DOP1A: variants seen among roughly 807,000 people sequenced by gnomAD.
DOP1A encodes protein DOP1A.
Under a neutral mutation model 267.6 loss-of-function variants are expected in DOP1A, and 90 were observed. The ratio of observed to expected loss-of-function variants is 0.34; its 90% CI spans 0.28 to 0.40. The LOEUF is 0.40. DOP1A is among the 10% of genes least tolerant of loss of function. The pLI, the probability that DOP1A is intolerant of heterozygous loss-of-function variation, is 1.00. For missense variants in DOP1A, 2,437 were observed against 2,900.4 expected (o/e 0.84, Z 3.67); for synonymous variants, 932 against 999.1 (o/e 0.93, Z 1.27).
At chr6:83,092,147 G>T (rs1770540785) in intron 1 of DOP1A, among the ~76,000 whole-genome samples, 1 of 152,052 alleles carries the variant, frequency 6.6e-6, no homozygotes, top group African/African-American at 2.4e-5. Context: ...TGCTTTGTGT[G>T]TATGCTGTGT....
intron 4 of DOP1A, among the ~76,000 whole-genome samples, chr6:83,101,176 C>T (rs1356384632): frequency 2.0e-5 from 3 of 152,126 alleles, no homozygotes; most frequent in South Asian, 2.1e-4. Flanking sequence ...CCACCACGCC[C>T]GACTAATTTT....
In DOP1A at chr6:83,120,789, T is replaced by A. The variant is rs1292612604; in HGVS notation, c.1097T>A (p.Leu366Gln). 1 of 1,563,400 alleles carries A rather than the reference T, an allele frequency of 6.4e-7. No homozygotes were observed. The highest frequency in any genetic ancestry group is 1.7e-5 in the Admixed American group (1 of 59,690). Residue 366 changes from leucine (L) to glutamine (Q), a missense_variant and splice_region_variant, in exon 10 of 39, where the codon CTA becomes CAA. By Grantham distance (113) the Leu-to-Gln change is moderately radical. This residue lies in a region of DOP1A where 498 missense variants were observed against 513.5 expected (regional missense o/e 0.97). Transcript: ENST00000349129. Reference sequence around the variant, plus strand: ...ATCAGTTTACTGGACAAACCTGAGCTAGGTAATGTATACTGTCCTAGGGCA... The same window carrying A: ...ATCAGTTTACTGGACAAACCTGAGCAAGGTAATGTATACTGTCCTAGGGCA... ...ILISLLDKPELGPVILEDVLI... is the reference protein window; with the variant it reads ...ILISLLDKPEQGPVILEDVLI...
intron 15 of DOP1A, among the ~76,000 whole-genome samples, chr6:83,126,541 G>A (rs1356888847): frequency 6.6e-6 from 1 of 152,070 alleles, no homozygotes; most frequent in Non-Finnish European, 1.5e-5. Context: ...TATTATACAA[G>A]TAAGTGCACA....
intron 6 of DOP1A, among the ~76,000 whole-genome samples, chr6:83,112,906 A>G (rs762813684): frequency 3.9e-5 from 6 of 152,226 alleles, no homozygotes; most frequent in Non-Finnish European, 7.3e-5. Context: ...AGTGCACATG[A>G]TTAGAAGCTT....
chr6:83,154,222 A>G lies in DOP1A; in HGVS notation c.6432A>G (p.Thr2144=). The stretch of plus-strand genomic sequence containing the variant: ...ACAATCTGATGACACATGATAAAAC[A>G]ACATTTAGAGATTTGATGAGTGAGT... The part of the protein sequence containing the change: ...IMDNLMTHDK[T]TFRDLMTRVA... The change falls in exon 33 of 39, where the codon ACA becomes ACG. Residue 2144 remains threonine (T), a synonymous_variant. Coordinates refer to ENST00000349129, the MANE Select transcript of DOP1A (RefSeq NM_015018.4). The G allele has an allele frequency of 6.2e-7, 1 of 1,613,936 alleles. No homozygotes were observed. Among genetic ancestry groups the G allele is most frequent in the Non-Finnish European group, 8.5e-7 (1 of 1,179,850 alleles).
chr6:83,154,521 A>G (rs1782346280), intron 33 of DOP1A, among the ~76,000 whole-genome samples: 1 of 152,188 alleles, frequency 6.6e-6, no homozygotes, highest in Non-Finnish European at 1.5e-5. Context: ...ATTTGAATCT[A>G]AATTATTTCC....
chr6:83,108,867 A>G, intron 4 of DOP1A, 43 bp from the exon 5 acceptor site: 1 of 1,538,710 alleles, frequency 6.5e-7, no homozygotes. Flanking sequence ...AATATTGTAT[A>G]GTTATTTTGC....
rs1042968770 is a variant in DOP1A, at chr6:83,135,961, G to A, written c.3130+83G>A. The A allele has an allele frequency of 8.1e-6, 12 of 1,474,076 alleles. No individual in the cohort carries two copies. In the African/African-American group the frequency reaches 1.6e-4, roughly 19 times the overall value. The allele number at this position is 1,474,076 out of a possible 1,614,324, so 91.3% of individuals were successfully genotyped here. On this transcript the variant is annotated intron_variant, in intron 20 of 38. Transcript: ENST00000349129. ...ATGAATACAACAGTAATTGTTGAAA[G>A]AACTGCATGTGAGATTTTCTCCATG...
intron 1 of DOP1A, among the ~76,000 whole-genome samples, chr6:83,083,976 A>G (rs1192892772): frequency 6.6e-6 from 1 of 152,224 alleles, no homozygotes; most frequent in African/African-American, 2.4e-5. Context: ...TTAATAACGT[A>G]TATAATTTTG....
chr6:83,118,069 A>G (rs1186941461), intron 7 of DOP1A, among the ~76,000 whole-genome samples: 2 of 152,206 alleles, frequency 1.3e-5, no homozygotes, highest in African/African-American at 4.8e-5. Context: ...GCACTTAGCC[A>G]AAACCTCAAG....
At position 83,108,988 on chromosome 6, in the gene DOP1A, T is replaced by A. The variant is rs967895901; in HGVS notation, c.399T>A (p.Tyr133Ter). 1.2e-6 allele frequency: 2 copies of A among 1,613,892 alleles called. No homozygotes were observed. The highest frequency in any genetic ancestry group is 1.7e-6 in the Non-Finnish European group (2 of 1,179,892). The change falls in exon 5 of 39, where the codon TAT becomes TAA. Residue 133 changes from tyrosine (Y) to a stop codon, truncating the protein, a stop_gained. Coordinates refer to ENST00000349129, the MANE Select transcript of DOP1A (RefSeq NM_015018.4). LOFTEE classifies it high-confidence loss of function. The part of the protein sequence containing the change: ...PTLLSLYEIY[Y>*]LPLGKTLKPG... ...TGCTCAGTTTGTATGAGATATATTA[T>A]CTGCCTTTGGGTAAAACACTGAAAC...
At position 83,127,731 on chromosome 6, in the gene DOP1A, G is replaced by A. The variant is rs931455183; in HGVS notation, c.1720-1156G>A. On this transcript the variant is annotated intron_variant, in intron 15 of 38. Coordinates refer to ENST00000349129, the MANE Select transcript of DOP1A (RefSeq NM_015018.4). Reference sequence around the variant, plus strand: ...AATGGATGGATTAGCAATATATTTAGGAGGAAAAATAGACTTAGTAATAGA... The same window carrying A: ...AATGGATGGATTAGCAATATATTTAAGAGGAAAAATAGACTTAGTAATAGA... Among the ~76,000 whole-genome samples the A allele has an allele frequency of 1.1e-4, 16 of 152,154 alleles. No homozygotes were observed. In the South Asian group the frequency reaches 1.9e-3, roughly 18 times the overall value.
intron 1 of DOP1A, among the ~76,000 whole-genome samples, chr6:83,077,579 G>A (rs1767319953): frequency 6.6e-6 from 1 of 152,020 alleles, no homozygotes; most frequent in Non-Finnish European, 1.5e-5. Context: ...AGGAGGCTAA[G>A]GCAAGAGGAT....
chr6:83,166,594 T>A, intron 38 of DOP1A: 1 of 655,602 alleles, frequency 1.5e-6, no homozygotes, highest in Non-Finnish European at 2.4e-6. Context: ...AAATGATGTA[T>A]AACATAACCA....
chr6:83,102,195 A>C (rs1772714771), intron 4 of DOP1A, among the ~76,000 whole-genome samples: 1 of 152,222 alleles, frequency 6.6e-6, no homozygotes, highest in Non-Finnish European at 1.5e-5. Context: ...ATTAAAGCTC[A>C]ATAAATGGTA....
intron 1 of DOP1A, among the ~76,000 whole-genome samples, chr6:83,074,488 T>C (rs1367423985): frequency 6.6e-6 from 1 of 152,074 alleles, no homozygotes; most frequent in Non-Finnish European, 1.5e-5. Flanking sequence ...TTTATGACTT[T>C]TCAACTTTAC....
Position 83,137,216 on chromosome 6 carries a change from G to T in DOP1A, c.3174G>T (p.Lys1058Asn). 7 of 1,589,740 alleles carry T rather than the reference G, an allele frequency of 4.4e-6. No homozygotes were observed. Among genetic ancestry groups the T allele is most frequent in the Non-Finnish European group, 6.0e-6 (7 of 1,166,706 alleles). ...QLITSKGNGE[K>N]PLTMDEIENF... ...TCACATCAAAAGGAAATGGTGAAAAGCCACTTACCATGGATGAAATAGAGA... is the reference window on the plus strand; with the variant it reads ...TCACATCAAAAGGAAATGGTGAAAATCCACTTACCATGGATGAAATAGAGA... The change falls in exon 21 of 39, where the codon AAG becomes AAT. Residue 1058 changes from lysine (K) to asparagine (N), a missense_variant. Lys to Asn is a moderately conservative substitution (Grantham distance 94). Transcript: ENST00000349129.
chr6:83,141,400 T>C (rs1239178272), intron 23 of DOP1A, among the ~76,000 whole-genome samples: 1 of 152,170 alleles, frequency 6.6e-6, no homozygotes, highest in African/African-American at 2.4e-5. Flanking sequence ...AGCTGTCAAA[T>C]TGATATCCTT....
At position 83,124,772 on chromosome 6, in the gene DOP1A, A is replaced by T. The variant is rs753793012; in HGVS notation, c.1408A>T (p.Thr470Ser). 3.1e-6 allele frequency: 5 copies of T among 1,613,220 alleles called. No individual in the cohort carries two copies. The highest frequency in any genetic ancestry group is 4.2e-6 in the Non-Finnish European group (5 of 1,179,602). Residue 470 changes from threonine to serine, a missense_variant, in exon 13 of 39, where the codon ACC (threonine) becomes TCC (serine). Physicochemically the swap from Thr to Ser is moderately conservative, Grantham distance 58 (BLOSUM62 1). Coordinates refer to ENST00000349129, the MANE Select transcript of DOP1A (RefSeq NM_015018.4). ...DSNDSSELQL[T>S]NFCLLVDFLL... ...TAATGACTCATCTGAATTACAGCTG[A>T]CCAATTTCTGCTTACTGGTGGATTT...
Sources: gnomAD v4.1 joint callset for allele counts (sites outside exome capture counted in the v4.1 genomes callset) on GRCh38, gnomAD v4.1.1 for gene constraint, gnomAD v4.1.1 regional missense constraint, MANE v1.5 for transcripts, NCBI Gene and HGNC (gene_info 2026-07-23, HGNC 2026-07-21) for gene names.